The following RALGDS variants were observed in gnomAD, a reference collection of about 807,000 sequenced individuals.
RALGDS encodes the protein ral guanine nucleotide exchange factor.
Under a neutral mutation model 99.8 loss-of-function variants are expected in RALGDS, and 44 were observed. That is an observed-to-expected ratio of 0.44 (90% CI 0.35 to 0.57). RALGDS has a LOEUF of 0.57. Among genes scored for constraint, RALGDS ranks in the 20% least tolerant of loss-of-function variants. The pLI is 0.01. For synonymous variants in RALGDS, 529 were observed against 505.0 expected (o/e 1.05, Z -0.64); for missense variants, 1,022 against 1,203.1 (o/e 0.85, Z 2.23).
intron 16 of RALGDS, chr9:133,101,056 C>T (rs995249821): frequency 9.2e-6 from 10 of 1,084,326 alleles, no homozygotes; most frequent in African/African-American, 1.6e-5. Flanking sequence ...CATCTGCTGT[C>T]TCCAAATCCT....
At chr9:133,114,743 C>T (rs1344616775) in intron 1 of RALGDS, among the ~76,000 whole-genome samples, 1 of 152,236 alleles carries the variant, frequency 6.6e-6, no homozygotes, top group East Asian at 1.9e-4. Context: ...GAAAAGAACA[C>T]CACGTGCTTG....
At chr9:133,130,852 T>C (rs1231498623) in intron 1 of RALGDS, 5 of 1,194,836 alleles carry the variant, frequency 4.2e-6, no homozygotes, top group Non-Finnish European at 4.7e-6. Flanking sequence ...AGACGCTCCT[T>C]CCATCCTGAC....
intron 16 of RALGDS, 63 bp downstream of exon 16, chr9:133,101,457 C>T (rs773828742): frequency 1.2e-6 from 2 of 1,605,548 alleles, no homozygotes; most frequent in African/African-American, 1.3e-5. Flanking sequence ...GGATGGTGCA[C>T]TGTGTTCAGG....
chr9:133,121,129 G>T lies in RALGDS; in HGVS notation c.26C>A (p.Ala9Glu), dbSNP rs1406408186. Reference protein sequence around the residue: MVQRMWAEAAGPAGGAEPL... With the variant: MVQRMWAEEAGPAGGAEPL... ...CTCGGCGCCGCCAGCAGGCCCGGCC[G>T]CCTCGGCCCACATGCGCTGCACCAT... The change falls in exon 1 of 18, where the codon GCG (alanine) becomes GAG (glutamate). Residue 9 changes from alanine to glutamate, a missense_variant. By Grantham distance (107) the Ala-to-Glu change is moderately radical. Transcript: ENST00000372050. 15 of 1,452,188 alleles carry T rather than the reference G, an allele frequency of 1.0e-5. No homozygotes were observed. Among genetic ancestry groups the T allele is most frequent in the African/African-American group, 1.5e-5 (1 of 66,382 alleles). The allele number at this position is 1,452,188 out of a possible 1,614,324, so 90.0% of individuals were successfully genotyped here.
chr9:133,114,288 C>T (rs371674569), intron 1 of RALGDS, among the ~76,000 whole-genome samples: 1 of 152,182 alleles, frequency 6.6e-6, no homozygotes, highest in African/African-American at 2.4e-5. Context: ...CTTCTCTGGT[C>T]GCTTCCCGTC....
Position 133,102,587 on chromosome 9 carries a change from C to T in RALGDS, c.1914-16G>A. ...CAGGTTGTAGCTATGAGCAGAGGGG[C>T]AGTGGTGTGACAACCAGGGGCCATG... is the stretch of plus-strand genomic sequence containing the variant. On this transcript the variant is annotated splice_polypyrimidine_tract_variant and intron_variant, in intron 13 of 17. Transcript: ENST00000372050. The T allele has an allele frequency of 6.2e-7, 1 of 1,613,248 alleles. No homozygotes were observed. The highest frequency in any genetic ancestry group is 1.7e-5 in the Admixed American group (1 of 60,030).
chr9:133,144,369 CCT>C lies in RALGDS; in HGVS notation c.18+4592_18+4593del, dbSNP rs959428027. 2.0e-4 allele frequency among the ~76,000 whole-genome samples: 31 copies of C among 152,270 alleles called. No homozygotes were observed. The highest frequency in any genetic ancestry group is 6.7e-4 in the African/African-American group (28 of 41,566). ...GCAAACCATGGTCCTCCTCGCCACC[CCT>C]GTCACCTCCTCCTCCGCCCCCCGCC... On this transcript the variant is annotated intron_variant, in intron 1 of 17. Coordinates refer to the RALGDS transcript ENST00000393160. The surrounding 1 kb of genome is among the most constrained non-coding windows in gnomAD (Gnocchi z 4.5).
chr9:133,110,542 T>C (rs1588531105), intron 2 of RALGDS, 53 bp from the exon 3 acceptor site: 2 of 1,511,148 alleles, frequency 1.3e-6, no homozygotes, highest in Non-Finnish European at 1.8e-6. Context: ...ACGAATCTCC[T>C]GGAGCTCAGA....
Position 133,101,585 on chromosome 9 carries a change from C to T in RALGDS, c.2389G>A (p.Gly797Ser). 1 of 1,612,836 alleles carries T rather than the reference C, an allele frequency of 6.2e-7. No individual in the cohort carries two copies. The highest frequency in any genetic ancestry group is 8.5e-7 in the Non-Finnish European group (1 of 1,180,020). Residue 797 changes from glycine to serine, a missense_variant, in exon 16 of 18, where the codon GGC becomes AGC. Coordinates refer to ENST00000372050, the MANE Select transcript of RALGDS (RefSeq NM_006266.4). ...SALPLYNQQV[G>S]DCCIIRVSLD... ...CTGACGCGGATGATACAGCAGTCGC[C>T]CACCTGCTGGTTGTAGAGCGGCAGC... is the stretch of plus-strand genomic sequence containing the variant.
upstream of RALGDS, among the ~76,000 whole-genome samples, chr9:133,132,705 T>C (rs1355569615): frequency 6.6e-6 from 1 of 152,030 alleles, no homozygotes; most frequent in East Asian, 1.9e-4. Flanking sequence ...AGTGGCGCCA[T>C]CTCGGCTCAC....
chr9:133,106,981 C>T (rs1831096145), intron 7 of RALGDS, 104 bp downstream of exon 7: 2 of 1,307,802 alleles, frequency 1.5e-6, no homozygotes, highest in South Asian at 1.2e-5. Context: ...CCAGCATGCC[C>T]CTGGGAAGGG....
chr9:133,105,143 A>C (rs1182897381), intron 9 of RALGDS, among the ~76,000 whole-genome samples: 1 of 152,032 alleles, frequency 6.6e-6, no homozygotes, highest in African/African-American at 2.4e-5. Context: ...ACGGAGGGAG[A>C]GGGACAGGTG....
At chr9:133,145,393 G>A (rs1167380519) in intron 1 of RALGDS, among the ~76,000 whole-genome samples, 2 of 137,570 alleles carry the variant, frequency 1.5e-5, no homozygotes, top group South Asian at 2.4e-4. Context: ...CCCCCGCCCC[G>A]GCATGGCCTG....
chr9:133,100,618 G>A, intron 16 of RALGDS: 1 of 1,406,134 alleles, frequency 7.1e-7, no homozygotes, highest in Non-Finnish European at 9.3e-7. Flanking sequence ...GTCTGTCCCA[G>A]CAGTGCCTAC....
At chr9:133,120,428 A>ACCCCCCCCCCCCCCCCCCCCCCCCCC (rs71378548) in intron 1 of RALGDS, among the ~76,000 whole-genome samples, 5 of 59,992 alleles carry the variant, frequency 8.3e-5, no homozygotes, top group Admixed American at 1.7e-4. Context: ...CCATCCCCCG[A>ACCCCCCCCCCCCCCCCCCCCCCCCCC]CCCCCCCCCC....
chr9:133,140,949 G>T (rs1832511288), intron 1 of RALGDS, among the ~76,000 whole-genome samples: 1 of 152,156 alleles, frequency 6.6e-6, no homozygotes, highest in Admixed American at 6.5e-5. Flanking sequence ...GGGGGTGGCT[G>T]GGCAGAGTCC....
chr9:133,131,007 C>T (rs1588565970), exon 1 of RALGDS: 4 of 1,535,572 alleles, frequency 2.6e-6, no homozygotes, highest in Non-Finnish European at 3.5e-6. Flanking sequence ...GTGGAGGGCA[C>T]AGGGCAGGGA....
rs149756673 is a variant in RALGDS at position 133,110,471 on chromosome 9, G to C, written c.313C>G (p.Leu105Val). Residue 105 changes from leucine (L) to valine (V), a missense_variant, in exon 3 of 18, where the codon CTG becomes GTG. Physicochemically the swap from Leu to Val is conservative, Grantham distance 32. Around this residue, in one of 3 missense-constraint regions of RALGDS, gnomAD observed 180 missense variants for 169.3 expected, o/e 1.06. Transcript: ENST00000372050. ...ACCTTGCAAGTCTCATAAAGGTTCA[G>C]GGCCGACTCATTCTCATACTGGGGT... ...RWLGYENESA[L>V]NLYETCKVRT... 3.3e-5 allele frequency: 53 copies of C among 1,612,874 alleles called. No individual in the cohort carries two copies. The African/African-American group carries it at 4.7e-4, about 14-fold the overall frequency.
At chr9:133,127,203 C>T (rs774777852) in intron 1 of RALGDS, among the ~76,000 whole-genome samples, 19 of 152,272 alleles carry the variant, frequency 1.2e-4, no homozygotes, top group African/African-American at 2.4e-4. Flanking sequence ...CCTGCCTTAA[C>T]GCAGGGCCCC....
Sources: gnomAD v4.1 joint callset for allele counts (sites outside exome capture counted in the v4.1 genomes callset) on GRCh38, gnomAD v4.1.1 for gene constraint, gnomAD v4.1.1 regional missense constraint, Gnocchi (gnomAD v3.1) non-coding constraint, MANE v1.5 for transcripts, NCBI Gene and HGNC (gene_info 2026-07-23, HGNC 2026-07-21) for gene names.